Variants in TMC1 observed in about 807,000 individuals in gnomAD.
The protein encoded by TMC1 is transmembrane channel-like protein 1.
TMC1 carries 84 observed loss-of-function variants against 105.8 expected under a neutral mutation model. That is an observed-to-expected ratio of 0.79 (90% CI 0.67 to 0.95). The LOEUF is 0.95. Ranked by LOEUF, TMC1 falls within the 40% of genes least tolerant of loss-of-function variation. TMC1 has a pLI of 0.00. For missense variants in TMC1, 817 were observed against 914.1 expected, an observed-to-expected ratio of 0.89 and a Z score of 1.37; for synonymous variants, 315 against 311.5, an observed-to-expected ratio of 1.01 and a Z score of -0.12.
intron 8 of TMC1, among the ~76,000 whole-genome samples, chr9:72,723,430 T>C (rs1357576538): frequency 6.6e-6 from 1 of 152,204 alleles, no homozygotes; most frequent in Non-Finnish European, 1.5e-5. Flanking sequence ...CACAATTGCC[T>C]GCTTCATCAT....
chr9:72,822,732 C>T (rs1828896377), intron 20 of TMC1, among the ~76,000 whole-genome samples: 4 of 152,180 alleles, frequency 2.6e-5, no homozygotes, highest in South Asian at 4.1e-4. Flanking sequence ...ATTCACACTA[C>T]TTATTATCCA....
intron 5 of TMC1, among the ~76,000 whole-genome samples, chr9:72,661,680 T>C (rs1226257910): frequency 6.6e-6 from 1 of 152,232 alleles, no homozygotes; most frequent in Non-Finnish European, 1.5e-5. Flanking sequence ...CTGACCACTT[T>C]TTTCTAGACT....
In TMC1 at chr9:72,837,774, T is replaced by G. The variant is rs1046306679; in HGVS notation, c.*1801T>G. ...GATTTCTATTATCCTGTCTCTGAGT[T>G]TCTCATTCTTTTTGATCACCAAAAG... On this transcript the variant is annotated 3_prime_UTR_variant, in exon 24 of 24. Coordinates refer to ENST00000297784, the MANE Select transcript of TMC1 (RefSeq NM_138691.3). The G allele has an allele frequency of 6.6e-6, 1 of 152,212 alleles. No homozygotes were observed. Among genetic ancestry groups the G allele is most frequent in the African/African-American group, 2.4e-5 (1 of 41,452 alleles). The allele number at this position is 152,212 out of a possible 1,614,324, so 9.4% of individuals were successfully genotyped here. A position where few individuals can be genotyped will look rare whatever the true frequency, so the allele number is the denominator to read the frequency against.
chr9:72,619,830 TTA>T (rs1416993631), intron 3 of TMC1, among the ~76,000 whole-genome samples: 221 of 149,916 alleles, frequency 1.5e-3, no homozygotes, highest in African/African-American at 3.5e-3. Context: ...AATTAATTAA[TTA>T]ATTTATTTAT....
intron 1 of TMC1, among the ~76,000 whole-genome samples, chr9:72,539,525 G>A: frequency 6.6e-6 from 1 of 151,608 alleles, no homozygotes; most frequent in East Asian, 1.9e-4. Flanking sequence ...TTTTTCTAAA[G>A]CATAACATGG....
intron 4 of TMC1, among the ~76,000 whole-genome samples, chr9:72,647,933 T>A (rs78447846): frequency 8.5e-6 from 1 of 117,086 alleles, no homozygotes; most frequent in East Asian, 2.4e-4. Context: ...CTGATGGAAA[T>A]CTTTTTTATC....
At chr9:72,807,265 A>G (rs34251025) in intron 18 of TMC1, among the ~76,000 whole-genome samples, 10,214 of 152,204 alleles carry the variant, frequency 0.067, 394 homozygotes, top group African/African-American at 0.1. Flanking sequence ...GAGGGAGACC[A>G]TGGGGAGAGG....
At chr9:72,545,127 G>GAT (rs71493657) in intron 1 of TMC1, among the ~76,000 whole-genome samples, 12,848 of 141,374 alleles carry the variant, frequency 0.091, 646 homozygotes, top group Non-Finnish European at 0.13. Flanking sequence ...AGTATTTCAT[G>GAT]ATATATATAT....
At chr9:72,791,373 C>T (rs553172831) in intron 15 of TMC1, among the ~76,000 whole-genome samples, 16 of 152,182 alleles carry the variant, frequency 1.1e-4, no homozygotes, top group African/African-American at 2.2e-4. Context: ...TTTATGTTTT[C>T]GGCCTTAAAA....
At chr9:72,564,256 A>G (rs1292357347) in intron 1 of TMC1, among the ~76,000 whole-genome samples, 2 of 152,214 alleles carry the variant, frequency 1.3e-5, no homozygotes, top group Non-Finnish European at 2.9e-5. Flanking sequence ...AAAATTGGCT[A>G]CAATCTGGCT....
At chr9:72,693,592 A>G (rs1826503601) in intron 6 of TMC1, among the ~76,000 whole-genome samples, 1 of 152,160 alleles carries the variant, frequency 6.6e-6, no homozygotes, top group Admixed American at 6.5e-5. Context: ...ATAGTTTTCC[A>G]TTGAAATATA....
At chr9:72,584,784 C>CTTTTTTTTTTTTTTTTTTTT (rs71357591) in intron 2 of TMC1, among the ~76,000 whole-genome samples, 2 of 113,010 alleles carry the variant, frequency 1.8e-5, no homozygotes, top group African/African-American at 3.5e-5. Flanking sequence ...CTTTTCTTTT[C>CTTTTTTTTTTTTTTTTTTTT]TTTTTTTTTT....
chr9:72,666,899 A>G (rs1826053035), intron 5 of TMC1, among the ~76,000 whole-genome samples: 1 of 150,612 alleles, frequency 6.6e-6, no homozygotes, highest in Admixed American at 6.6e-5. Context: ...AAACAAAACA[A>G]AACAAAACAA....
At chr9:72,636,467 C>T (rs7029993) in intron 4 of TMC1, among the ~76,000 whole-genome samples, 24 of 151,770 alleles carry the variant, frequency 1.6e-4, no homozygotes, top group Admixed American at 1.4e-3. Context: ...GAGGCTGAGG[C>T]GGGAGGATCA....
chr9:72,632,300 T>G (rs922105554), intron 4 of TMC1, among the ~76,000 whole-genome samples: 2 of 152,142 alleles, frequency 1.3e-5, no homozygotes, highest in African/African-American at 4.8e-5. Flanking sequence ...AAGACATTCA[T>G]GAGGAATCTG....
At chr9:72,661,413 G>C (rs1825968414) in intron 5 of TMC1, among the ~76,000 whole-genome samples, 1 of 152,182 alleles carries the variant, frequency 6.6e-6, no homozygotes, top group Non-Finnish European at 1.5e-5. Flanking sequence ...TGCATGCCCA[G>C]CACTTTTTCC....
rs893973832 is a variant in TMC1, at chr9:72,836,222, T to A, written c.*249T>A. 9 of 383,994 alleles carry A rather than the reference T, an allele frequency of 2.3e-5. No individual in the cohort carries two copies. The highest frequency in any genetic ancestry group is 4.3e-5 in the Non-Finnish European group (9 of 210,812). The allele number at this position is 383,994 out of a possible 1,614,324, so 23.8% of individuals were successfully genotyped here. On this transcript the variant is annotated 3_prime_UTR_variant, in exon 24 of 24. Coordinates refer to ENST00000297784, the MANE Select transcript of TMC1 (RefSeq NM_138691.3). ...CTCTCCCCTGCTCCATTTCGTGACT[T>A]TTTTTTTTTTTTTAACAAATTGAGT... is the stretch of plus-strand genomic sequence containing the variant.
intron 17 of TMC1, among the ~76,000 whole-genome samples, chr9:72,797,979 G>A (rs1828401728): frequency 6.6e-6 from 1 of 152,016 alleles, no homozygotes; most frequent in Non-Finnish European, 1.5e-5. Flanking sequence ...TCTGACAAAG[G>A]TCTAATATGC....
intron 4 of TMC1, among the ~76,000 whole-genome samples, chr9:72,635,898 G>A (rs570273494): frequency 1.3e-5 from 2 of 152,242 alleles, no homozygotes; most frequent in South Asian, 2.1e-4. Context: ...CATCACCTAA[G>A]GATGGCTTAT....
Sources: allele counts gnomAD v4.1 joint callset (sites outside exome capture counted in the v4.1 genomes callset), GRCh38; gene constraint gnomAD v4.1.1; transcripts MANE v1.5; gene names NCBI Gene and HGNC (gene_info 2026-07-23, HGNC 2026-07-21).